Variants in LRRC72 observed in about 807,000 individuals in gnomAD.
LRRC72 encodes leucine-rich repeat-containing protein 72.
LRRC72 carries 41 observed loss-of-function variants against 35.8 expected under a neutral mutation model. The observed-to-expected ratio is 1.15, with a 90% CI of 0.89 to 1.49. The LOEUF (loss-of-function observed/expected upper bound fraction) is 1.49, where lower values mean the gene tolerates loss of function less well. LRRC72 is among the 40% of genes most tolerant of loss of function. The probability of loss-of-function intolerance (pLI) is 0.00; values close to 1 mark genes in which losing one functional copy is unlikely to be tolerated. For synonymous variants in LRRC72, 118 were observed against 119.2 expected (o/e 0.99, Z 0.07); for missense variants, 389 against 330.7 (o/e 1.18, Z -1.37).
intron 3 of LRRC72, among the ~76,000 whole-genome samples, chr7:16,546,280 G>T (rs1782441436): frequency 6.6e-6 from 1 of 151,880 alleles, no homozygotes; most frequent in South Asian, 2.1e-4. Flanking sequence ...TTAATCACTG[G>T]TCTATGTAAG....
At chr7:16,528,034 C>T (rs1164699972) in intron 1 of LRRC72, among the ~76,000 whole-genome samples, 1 of 152,118 alleles carries the variant, frequency 6.6e-6, no homozygotes, top group African/African-American at 2.4e-5. Context: ...AATTTAAAAT[C>T]CGACTTTTCA....
chr7:16,536,045 G>A (rs1782251562), intron 2 of LRRC72, among the ~76,000 whole-genome samples: 1 of 151,926 alleles, frequency 6.6e-6, no homozygotes, highest in African/African-American at 2.4e-5. Context: ...GCTAATTTTT[G>A]TATTTTTAGT....
Position 16,556,145 on chromosome 7 carries a change from C to T in LRRC72, c.235-1215C>T, listed in dbSNP as rs550481245. Among the ~76,000 whole-genome samples the T allele has an allele frequency of 3.9e-5, 6 of 152,112 alleles. No individual in the cohort carries two copies. The South Asian group carries it at 1.2e-3, about 32-fold the overall frequency. On this transcript the variant is annotated intron_variant, in intron 3 of 8. Coordinates refer to ENST00000401542, the MANE Select transcript of LRRC72 (RefSeq NM_001195280.2). Reference sequence around the variant, plus strand: ...ACATACAGTTTAGCATTGAATACCCCATATTATGTATACAGTACCTAATGG... The same window carrying T: ...ACATACAGTTTAGCATTGAATACCCTATATTATGTATACAGTACCTAATGG...
chr7:16,553,719 T>A (rs1782595898), intron 3 of LRRC72, among the ~76,000 whole-genome samples: 1 of 152,174 alleles, frequency 6.6e-6, no homozygotes. Flanking sequence ...CTCCAACGAA[T>A]AATTATTTGG....
At chr7:16,553,629 C>T (rs112733216) in intron 3 of LRRC72, among the ~76,000 whole-genome samples, 3,750 of 152,254 alleles carry the variant, frequency 0.025, 180 homozygotes, top group African/African-American at 0.086. Flanking sequence ...CTGATTGGGA[C>T]GTGTATGCTA....
At chr7:16,575,835 C>G (rs1328502829) in intron 7 of LRRC72, among the ~76,000 whole-genome samples, 1 of 152,264 alleles carries the variant, frequency 6.6e-6, no homozygotes, top group East Asian at 1.9e-4. Context: ...CACACAATAA[C>G]AAACAATGCA....
At position 16,565,719 on chromosome 7, in the gene LRRC72, C is replaced by G. The variant is rs188576371; in HGVS notation, c.428-594C>G. On this transcript the variant is annotated intron_variant, in intron 5 of 8. Coordinates refer to ENST00000401542, the MANE Select transcript of LRRC72 (RefSeq NM_001195280.2). Reference sequence around the variant, plus strand: ...CATCCTAGCACCTGCACACCAGGATCTCAGAACTGCACGTGCCTGGCCAGA... The same window carrying G: ...CATCCTAGCACCTGCACACCAGGATGTCAGAACTGCACGTGCCTGGCCAGA... 7.9e-4 allele frequency among the ~76,000 whole-genome samples: 121 copies of G among 152,290 alleles called. 1 individual carries two copies. Among genetic ancestry groups the G allele is most frequent in the African/African-American group, 2.8e-3 (115 of 41,564 alleles).
intron 2 of LRRC72, among the ~76,000 whole-genome samples, chr7:16,533,347 A>T (rs1169516844): frequency 1.3e-5 from 2 of 152,152 alleles, no homozygotes; most frequent in African/African-American, 4.8e-5. Flanking sequence ...AATGAGATAG[A>T]ACCCAGGTAT....
At chr7:16,579,169 T>A (rs1362203392) in intron 7 of LRRC72, among the ~76,000 whole-genome samples, 1 of 152,176 alleles carries the variant, frequency 6.6e-6, no homozygotes, top group Non-Finnish European at 1.5e-5. Flanking sequence ...TTAATTAGAT[T>A]GAGTGTGATG....
chr7:16,562,996 G>A (rs1782768969), intron 5 of LRRC72, among the ~76,000 whole-genome samples: 3 of 152,136 alleles, frequency 2.0e-5, no homozygotes, highest in Admixed American at 2.0e-4. Context: ...TAACAATGGA[G>A]ATGCTGACCT....
chr7:16,560,078 C>T (rs1245779025), intron 5 of LRRC72, among the ~76,000 whole-genome samples: 7 of 152,148 alleles, frequency 4.6e-5, no homozygotes, highest in African/African-American at 1.4e-4. Context: ...AACATGTATA[C>T]AACCACAATA....
intron 3 of LRRC72, among the ~76,000 whole-genome samples, chr7:16,554,474 C>T (rs1782614467): frequency 6.6e-6 from 1 of 152,072 alleles, no homozygotes; most frequent in Non-Finnish European, 1.5e-5. Context: ...ACCTCAATTT[C>T]CTCCACTTCT....
intron 3 of LRRC72, among the ~76,000 whole-genome samples, chr7:16,554,798 A>G (rs1782621892): frequency 6.6e-6 from 1 of 152,210 alleles, no homozygotes; most frequent in Non-Finnish European, 1.5e-5. Context: ...CCATGATTCT[A>G]TAATCAAGGT....
At chr7:16,539,065 C>T (rs1782312174) in intron 3 of LRRC72, among the ~76,000 whole-genome samples, 1 of 152,142 alleles carries the variant, frequency 6.6e-6, no homozygotes, top group African/African-American at 2.4e-5. Flanking sequence ...GAGTAACAGG[C>T]AGAGGTTGGT....
chr7:16,546,358 A>G (rs538370631), intron 3 of LRRC72, among the ~76,000 whole-genome samples: 2 of 152,190 alleles, frequency 1.3e-5, no homozygotes, highest in Admixed American at 1.3e-4. Flanking sequence ...TCTTGGTGGT[A>G]GAGTCTGTCC....
intron 3 of LRRC72, among the ~76,000 whole-genome samples, chr7:16,543,052 C>T (rs1782384872): frequency 6.6e-6 from 1 of 152,200 alleles, no homozygotes; most frequent in Non-Finnish European, 1.5e-5. Context: ...GGGTGCTAAG[C>T]TGCCTAAGTG....
chr7:16,537,796 T>C, intron 3 of LRRC72, 100 bp downstream of exon 3: 1 of 698,724 alleles, frequency 1.4e-6, no homozygotes, highest in Non-Finnish European at 2.3e-6. Flanking sequence ...AATTTTTGCT[T>C]AAAATTTAAA....
At chr7:16,562,456 T>A (rs1345750096) in intron 5 of LRRC72, among the ~76,000 whole-genome samples, 1 of 152,234 alleles carries the variant, frequency 6.6e-6, no homozygotes, top group Admixed American at 6.5e-5. Flanking sequence ...ATTTTCTGTT[T>A]TATTAAACTC....
At chr7:16,533,422 T>A (rs566378572) in intron 2 of LRRC72, among the ~76,000 whole-genome samples, 27 of 152,254 alleles carry the variant, frequency 1.8e-4, no homozygotes. Flanking sequence ...GGCCGATAAA[T>A]GACACTGAAG....
Sources: allele counts gnomAD v4.1 joint callset (sites outside exome capture counted in the v4.1 genomes callset), GRCh38; gene constraint gnomAD v4.1.1; transcripts MANE v1.5; gene names NCBI Gene and HGNC (gene_info 2026-07-23, HGNC 2026-07-21).